The following TLN2 variants were observed in gnomAD, a reference collection of about 807,000 sequenced individuals.
TLN2 encodes talin 2, also known as talin-2.
Under a neutral mutation model 294.7 loss-of-function variants are expected in TLN2, and 118 were observed. The observed-to-expected ratio is 0.40, with a 90% CI of 0.34 to 0.47. The LOEUF (loss-of-function observed/expected upper bound fraction) is 0.47, where lower values mean the gene tolerates loss of function less well. Among genes scored for constraint, TLN2 ranks in the 20% least tolerant of loss-of-function variants. The probability of loss-of-function intolerance (pLI) is 0.84; values close to 1 mark genes in which losing one functional copy is unlikely to be tolerated. For missense variants in TLN2, 3,083 were observed against 3,282.2 expected (o/e 0.94, Z 1.48); for synonymous variants, 1,431 against 1,304.5 (o/e 1.10, Z -2.09).
chr15:62,766,548 G>A (rs1439626039), intron 41 of TLN2, 126 bp downstream of exon 41: 23 of 795,920 alleles, frequency 2.9e-5, no homozygotes, highest in Admixed American at 7.4e-5. Context: ...TCCAATGCTC[G>A]TTTAAGCTGC....
At chr15:62,406,794 G>C (rs141324024) in intron 1 of TLN2, among the ~76,000 whole-genome samples, 1 of 152,146 alleles carries the variant, frequency 6.6e-6, no homozygotes, top group African/African-American at 2.4e-5. Context: ...CCTCTATCCT[G>C]TTGTGTCTGT....
At chr15:62,685,496 C>T (rs914478922) in intron 11 of TLN2, among the ~76,000 whole-genome samples, 19 of 152,124 alleles carry the variant, frequency 1.2e-4, no homozygotes, top group African/African-American at 4.6e-4. Context: ...AACTAAATTT[C>T]TCAAAGCTAG....
intron 1 of TLN2, among the ~76,000 whole-genome samples, chr15:62,574,889 C>T (rs980279603): frequency 9.2e-5 from 14 of 152,130 alleles, no homozygotes; most frequent in Non-Finnish European, 2.1e-4. Context: ...AATACAGAGT[C>T]TCAGCTCACT....
intron 1 of TLN2, among the ~76,000 whole-genome samples, 196 bp downstream of exon 1, chr15:62,390,881 T>G (rs1312400859): frequency 6.6e-6 from 1 of 152,200 alleles, no homozygotes; most frequent in African/African-American, 2.4e-5. Flanking sequence ...GAGGGCTTCT[T>G]GCAGGAAAAT....
At chr15:62,759,608 A>G (rs7165071) in intron 37 of TLN2, among the ~76,000 whole-genome samples, 5,768 of 152,180 alleles carry the variant, frequency 0.038, 342 homozygotes, top group African/African-American at 0.13. Context: ...ATAGACTGAG[A>G]GGTTTGTGGG....
chr15:62,527,316 G>T (rs2040797247), intron 1 of TLN2, among the ~76,000 whole-genome samples: 1 of 152,126 alleles, frequency 6.6e-6, no homozygotes, highest in Admixed American at 6.5e-5. Context: ...GGCTGGTTGA[G>T]CTGGGACCTT....
intron 42 of TLN2, among the ~76,000 whole-genome samples, chr15:62,773,880 A>T (rs1428725673): frequency 6.6e-6 from 1 of 152,136 alleles, no homozygotes; most frequent in East Asian, 1.9e-4. Flanking sequence ...TATGTTTTTT[A>T]AAAAAGCGGC....
At chr15:62,515,471 C>A (rs2040141404) in intron 1 of TLN2, among the ~76,000 whole-genome samples, 1 of 152,198 alleles carries the variant, frequency 6.6e-6, no homozygotes, top group South Asian at 2.1e-4. Flanking sequence ...TTAAAACTTT[C>A]TCTTTCTCCT....
At chr15:62,427,776 T>TG (rs2034797123) in intron 1 of TLN2, among the ~76,000 whole-genome samples, 1 of 152,304 alleles carries the variant, frequency 6.6e-6, no homozygotes, top group Admixed American at 6.5e-5. Flanking sequence ...ATCTCAGCTT[T>TG]GGGGGTCTCT....
intron 3 of TLN2, among the ~76,000 whole-genome samples, chr15:62,620,044 T>TA (rs1410967524): frequency 2.6e-5 from 4 of 152,296 alleles, no homozygotes; most frequent in Non-Finnish European, 5.9e-5. Flanking sequence ...GGCCTGCTTA[T>TA]GGCTCACTTC....
intron 12 of TLN2, among the ~76,000 whole-genome samples, chr15:62,689,053 T>G (rs1412523163): frequency 1.1e-4 from 17 of 151,026 alleles, no homozygotes; most frequent in Admixed American, 1.1e-3. Flanking sequence ...GTTTGTCCAC[T>G]TTATTTCTCT....
Position 62,391,273 on chromosome 15 carries a change from C to T in TLN2, c.-238+588C>T, listed in dbSNP as rs187720791. ...TCCGGTGCCGGACACTCAGACCTGC[C>T]GATCCCACGACTGCCCTTTACTTGG... On this transcript the variant is annotated intron_variant, in intron 1 of 58. Coordinates refer to ENST00000636159, the MANE Select transcript of TLN2 (RefSeq NM_015059.3). Among the ~76,000 whole-genome samples, 477 of 152,376 alleles carry T rather than the reference C, an allele frequency of 3.1e-3. 1 individual carries two copies. The highest frequency in any genetic ancestry group is 4.7e-3 in the Non-Finnish European group (322 of 68,040).
chr15:62,585,532 C>T (rs1271381747), intron 1 of TLN2, among the ~76,000 whole-genome samples: 1 of 152,062 alleles, frequency 6.6e-6, no homozygotes, highest in Admixed American at 6.5e-5. Flanking sequence ...AGAGTTAAGG[C>T]CTGCATTAAT....
At chr15:62,498,650 AC>A (rs2039144462) in intron 1 of TLN2, among the ~76,000 whole-genome samples, 1 of 152,166 alleles carries the variant, frequency 6.6e-6, no homozygotes, top group South Asian at 2.1e-4. Flanking sequence ...AGTGTCTGTC[AC>A]AGGAAAGTGA....
At chr15:62,647,051 C>T (rs943530963) in intron 3 of TLN2, among the ~76,000 whole-genome samples, 1 of 152,216 alleles carries the variant, frequency 6.6e-6, no homozygotes, top group African/African-American at 2.4e-5. Flanking sequence ...ACTTGTCACC[C>T]TGTAGTAATA....
intron 48 of TLN2, among the ~76,000 whole-genome samples, chr15:62,797,857 A>T (rs993924727): frequency 6.6e-6 from 1 of 152,208 alleles, no homozygotes; most frequent in Non-Finnish European, 1.5e-5. Context: ...CTGTGGGTTC[A>T]GCGACTGTTG....
chr15:62,699,832 A>C lies in TLN2; in HGVS notation c.1587+965A>C, dbSNP rs189072146. ...AGCCCAAAGCACCAGTTCTGACCAAATAAATCGTTGTTGCTGTGGGTGGAG... is the reference window on the plus strand; with the variant it reads ...AGCCCAAAGCACCAGTTCTGACCAACTAAATCGTTGTTGCTGTGGGTGGAG... On this transcript the variant is annotated intron_variant, in intron 16 of 58. Transcript: ENST00000636159. Among the ~76,000 whole-genome samples, 7 of 152,326 alleles carry C rather than the reference A, an allele frequency of 4.6e-5. No individual in the cohort carries two copies. The East Asian group carries it at 1.4e-3, about 29-fold the overall frequency.
intron 1 of TLN2, among the ~76,000 whole-genome samples, chr15:62,421,642 T>C (rs1016594429): frequency 1.3e-5 from 2 of 148,630 alleles, no homozygotes; most frequent in East Asian, 2.0e-4. Flanking sequence ...TATGGACATA[T>C]AGAGGGGAAA....
intron 54 of TLN2, among the ~76,000 whole-genome samples, chr15:62,821,868 A>G (rs921012121): frequency 1.3e-5 from 2 of 152,238 alleles, no homozygotes; most frequent in Admixed American, 6.5e-5. Context: ...ATCGTGAATG[A>G]AAAGTGTACT....
Sources: gnomAD v4.1 joint callset for allele counts (sites outside exome capture counted in the v4.1 genomes callset) on GRCh38, gnomAD v4.1.1 for gene constraint, MANE v1.5 for transcripts, NCBI Gene and HGNC (gene_info 2026-07-23, HGNC 2026-07-21) for gene names.